Variants in REV3L observed in about 807,000 individuals in gnomAD.
REV3L encodes the protein REV3 like, DNA directed polymerase zeta catalytic subunit, also known as DNA polymerase zeta catalytic subunit.
In REV3L, 69 loss-of-function variants were observed where a neutral mutation model predicts 299.4. The ratio of observed to expected loss-of-function variants is 0.23; its 90% CI spans 0.19 to 0.28. The LOEUF is 0.28. Among genes scored for constraint, REV3L ranks in the 10% least tolerant of loss-of-function variants. The pLI is 1.00. For missense variants in REV3L, 3,128 were observed against 3,693.8 expected, an observed-to-expected ratio of 0.85 and a Z score of 3.97; for synonymous variants, 1,238 against 1,271.4, an observed-to-expected ratio of 0.97 and a Z score of 0.56.
intron 31 of REV3L, among the ~76,000 whole-genome samples, chr6:111,303,950 C>T (rs1444518295): frequency 1.3e-5 from 2 of 151,922 alleles, no homozygotes; most frequent in Admixed American, 6.6e-5. Flanking sequence ...AAACTCCTGA[C>T]CCCAGGTGAT....
chr6:111,434,626 A>G (rs1316851648), intron 1 of REV3L, among the ~76,000 whole-genome samples: 2 of 152,092 alleles, frequency 1.3e-5, no homozygotes, highest in African/African-American at 4.8e-5. Flanking sequence ...CTCAAAAAAA[A>G]AAAAAAAAAT....
chr6:111,387,820 A>T lies in REV3L; in HGVS notation c.1041T>A (p.Leu347=), dbSNP rs542332989. The change falls in exon 9 of 32, where the codon CTT becomes CTA. Residue 347 remains leucine (L), a synonymous_variant. Coordinates refer to ENST00000368802, the MANE Select transcript of REV3L (RefSeq NM_001372078.1). ...LHSEVLSPEM[L]QCTPANMVEV... ...CTACCATATTGGCTGGTGTACACTGAAGCATTTCAGGAGACAGAACCTCAG... is the reference window on the plus strand; with the variant it reads ...CTACCATATTGGCTGGTGTACACTGTAGCATTTCAGGAGACAGAACCTCAG... 6.2e-7 allele frequency: 1 copy of T among 1,613,956 alleles called. No individual in the cohort carries two copies. The highest frequency in any genetic ancestry group is 1.7e-5 in the Admixed American group (1 of 59,992).
intron 1 of REV3L, among the ~76,000 whole-genome samples, chr6:111,432,814 C>T (rs1787098720): frequency 6.6e-6 from 1 of 152,116 alleles, no homozygotes; most frequent in Admixed American, 6.6e-5. Context: ...ACAAGTCTCA[C>T]CAAATTTAAG....
intron 4 of REV3L, among the ~76,000 whole-genome samples, chr6:111,400,376 C>A (rs1782962181): frequency 6.6e-6 from 1 of 152,166 alleles, no homozygotes; most frequent in Non-Finnish European, 1.5e-5. Flanking sequence ...TGCTGTTCCA[C>A]CTCTTGGTCA....
rs143120018 is a variant in REV3L at position 111,349,413 on chromosome 6, A to G, written c.7301-77T>C. The G allele has an allele frequency of 1.3e-4, 89 of 667,004 alleles. No individual in the cohort carries two copies. The East Asian group carries it at 2.2e-3, about 16-fold the overall frequency. 41.3% of individuals were successfully genotyped at this position (667,004 alleles called of 1,614,324 possible). A position where few individuals can be genotyped will look rare whatever the true frequency, so the allele number is the denominator to read the frequency against. On this transcript the variant is annotated intron_variant, in intron 19 of 31. Coordinates refer to ENST00000368802, the MANE Select transcript of REV3L (RefSeq NM_001372078.1). ...ATAAAATTATGCCAGGGAAAATGAGAATATACATTAAGGATGAATATTAAA... is the reference window on the plus strand; with the variant it reads ...ATAAAATTATGCCAGGGAAAATGAGGATATACATTAAGGATGAATATTAAA...
intron 1 of REV3L, among the ~76,000 whole-genome samples, chr6:111,474,038 T>C (rs1334330048): frequency 6.6e-6 from 1 of 152,194 alleles, no homozygotes; most frequent in Non-Finnish European, 1.5e-5. Flanking sequence ...TTTGGAGGCA[T>C]CTACACAGTG....
chr6:111,389,073 A>T, intron 7 of REV3L, 33 bp downstream of exon 7: 1 of 1,466,508 alleles, frequency 6.8e-7, no homozygotes, highest in Non-Finnish European at 9.5e-7. Flanking sequence ...TACTTGATTT[A>T]AAAGAATAAT....
At position 111,387,756 on chromosome 6, in the gene REV3L, A is replaced by G; in HGVS notation, c.1096+9T>C. 1 of 1,613,180 alleles carries G rather than the reference A, an allele frequency of 6.2e-7. No homozygotes were observed. The highest frequency in any genetic ancestry group is 8.5e-7 in the Non-Finnish European group (1 of 1,179,338). On this transcript the variant is annotated intron_variant, in intron 9 of 31. Transcript: ENST00000368802. The stretch of plus-strand genomic sequence containing the variant: ...AGTAGTTTCTGTATACATGAAAAGA[A>G]AATCTTACCTTTGCTTGACTCTTTG...
chr6:111,427,788 G>C (rs1429273923), intron 1 of REV3L, among the ~76,000 whole-genome samples: 2 of 152,128 alleles, frequency 1.3e-5, no homozygotes, highest in East Asian at 3.9e-4. Flanking sequence ...AAATACCTAA[G>C]GGAGAAATAA....
intron 1 of REV3L, among the ~76,000 whole-genome samples, chr6:111,421,287 G>T (rs1241936941): frequency 6.6e-6 from 1 of 152,036 alleles, no homozygotes; most frequent in Non-Finnish European, 1.5e-5. Context: ...ATTACTTGGG[G>T]TATTTTTGTA....
At chr6:111,366,113 T>TGATG (rs1168149288) in intron 14 of REV3L, among the ~76,000 whole-genome samples, 1 of 152,172 alleles carries the variant, frequency 6.6e-6, no homozygotes, top group Non-Finnish European at 1.5e-5. Context: ...AACTAAGAAA[T>TGATG]GATGGCACTA....
intron 26 of REV3L, among the ~76,000 whole-genome samples, chr6:111,318,248 C>T (rs1183820956): frequency 6.6e-6 from 1 of 151,896 alleles, no homozygotes; most frequent in Non-Finnish European, 1.5e-5. Context: ...CCACCACGCC[C>T]GGCTAATTTT....
Position 111,376,434 on chromosome 6 carries a change from G to A in REV3L, c.1921C>T (p.His641Tyr), listed in dbSNP as rs1780316455. 2 of 1,613,296 alleles carry A rather than the reference G, an allele frequency of 1.2e-6. No homozygotes were observed. Among genetic ancestry groups the A allele is most frequent in the African/African-American group, 1.3e-5 (1 of 74,890 alleles). ...ATCTCTTTCTTACTATTCTCTTTATGAGAATTTTCTGAATGAACAGTACTG... is the reference window on the plus strand; with the variant it reads ...ATCTCTTTCTTACTATTCTCTTTATAAGAATTTTCTGAATGAACAGTACTG... ...LSSTVHSENS[H>Y]KENSKKEILP... The change falls in exon 13 of 32, where the codon CAT becomes TAT. Residue 641 changes from histidine (H) to tyrosine (Y), a missense_variant. Coordinates refer to ENST00000368802, the MANE Select transcript of REV3L (RefSeq NM_001372078.1).
At chr6:111,425,274 T>A (rs1200698598) in intron 1 of REV3L, among the ~76,000 whole-genome samples, 1 of 151,726 alleles carries the variant, frequency 6.6e-6, no homozygotes, top group Non-Finnish European at 1.5e-5. Flanking sequence ...CTGGCGAACA[T>A]GGAAACCCCG....
chr6:111,390,531 C>A (rs1014552634), intron 5 of REV3L, among the ~76,000 whole-genome samples: 4 of 152,002 alleles, frequency 2.6e-5, no homozygotes, highest in African/African-American at 7.3e-5. Context: ...GCATAAAAAA[C>A]CATACACATA....
At chr6:111,303,197 C>T (rs369594) in intron 31 of REV3L, among the ~76,000 whole-genome samples, 8 of 120,112 alleles carry the variant, frequency 6.7e-5, no homozygotes, top group African/African-American at 2.6e-4. Flanking sequence ...TGAGAGAGAG[C>T]GTCTCATTCT....
chr6:111,327,914 C>A (rs1175064228), intron 25 of REV3L, among the ~76,000 whole-genome samples: 2 of 152,176 alleles, frequency 1.3e-5, no homozygotes, highest in Admixed American at 6.5e-5. Flanking sequence ...ATTTTGCCTA[C>A]TGTGAGCTGT....
At chr6:111,388,337 T>A (rs990607418) in intron 7 of REV3L, among the ~76,000 whole-genome samples, 6 of 152,088 alleles carry the variant, frequency 3.9e-5, no homozygotes, top group Non-Finnish European at 8.8e-5. Flanking sequence ...AACAGAAAAA[T>A]TGTTCTCTAC....
Position 111,351,922 on chromosome 6 carries a change from G to A in REV3L, c.7185-131C>T. 7 of 566,154 alleles carry A rather than the reference G, an allele frequency of 1.2e-5. No individual in the cohort carries two copies. The South Asian group carries it at 1.7e-4, about 13-fold the overall frequency. 35.1% of individuals were successfully genotyped at this position (566,154 alleles called of 1,614,324 possible). A position where few individuals can be genotyped will look rare whatever the true frequency, so the allele number is the denominator to read the frequency against. Reference sequence around the variant, plus strand: ...CTCTAACGGTGCCCAGATGGAGAAGGGATGATACAGTGGTACCTACAGAGT... The same window carrying A: ...CTCTAACGGTGCCCAGATGGAGAAGAGATGATACAGTGGTACCTACAGAGT... On this transcript the variant is annotated intron_variant, in intron 18 of 31. Coordinates refer to ENST00000368802, the MANE Select transcript of REV3L (RefSeq NM_001372078.1).
Sources: gnomAD v4.1 joint callset for allele counts (sites outside exome capture counted in the v4.1 genomes callset) on GRCh38, gnomAD v4.1.1 for gene constraint, MANE v1.5 for transcripts, NCBI Gene and HGNC (gene_info 2026-07-23, HGNC 2026-07-21) for gene names.